The following TTC23 variants were observed in gnomAD, a reference collection of about 807,000 sequenced individuals.
TTC23 encodes the protein tetratricopeptide repeat domain 23.
TTC23 carries 58 observed loss-of-function variants against 55.1 expected under a neutral mutation model. That is an observed-to-expected ratio of 1.05 (90% CI 0.85 to 1.31). TTC23 has a LOEUF of 1.31. Ranked by LOEUF, TTC23 falls within the 50% of genes most tolerant of loss-of-function variation. The pLI is 0.00. For synonymous variants in TTC23, 203 were observed against 199.9 expected, an observed-to-expected ratio of 1.02 and a Z score of -0.13; for missense variants, 516 against 534.4, an observed-to-expected ratio of 0.97 and a Z score of 0.34.
chr15:99,234,008 A>G (rs1207409394), intron 4 of TTC23, among the ~76,000 whole-genome samples: 2 of 152,226 alleles, frequency 1.3e-5, no homozygotes, highest in African/African-American at 4.8e-5. Flanking sequence ...CCTTTGATCT[A>G]TATCTCATAT....
chr15:99,180,483 G>T (rs1040698087), intron 9 of TTC23, among the ~76,000 whole-genome samples: 13 of 152,290 alleles, frequency 8.5e-5, no homozygotes, highest in African/African-American at 2.6e-4. Flanking sequence ...TCAAGCTGTC[G>T]ACAGACACAG....
intron 3 of TTC23, among the ~76,000 whole-genome samples, chr15:99,238,346 C>T (rs1435960642): frequency 6.6e-6 from 1 of 152,072 alleles, no homozygotes; most frequent in Admixed American, 6.6e-5. Flanking sequence ...ATGTATTACG[C>T]AGAAAACAAT....
Position 99,137,232 on chromosome 15 carries a change from G to T in TTC23, c.*778C>A, listed in dbSNP as rs1555487418. ...ACACGACTATGGCCTCCTTCCAGGG[G>T]GCTGAAGACTGCTGTGTACACGATA... On this transcript the variant is annotated 3_prime_UTR_variant, in exon 14 of 14. Transcript: ENST00000394132. The T allele has an allele frequency of 6.6e-6, 1 of 152,292 alleles. No individual in the cohort carries two copies. The highest frequency in any genetic ancestry group is 1.5e-5 in the Non-Finnish European group (1 of 68,064). The allele number at this position is 152,292 out of a possible 1,614,324, so 9.4% of individuals were successfully genotyped here.
Position 99,181,428 on chromosome 15 carries a change from A to G in TTC23, c.760-6273T>C, listed in dbSNP as rs1342371581. Reference sequence around the variant, plus strand: ...GAAAAGCGGCAGATGGTGGATAGAGAAGATGTTATGGTGTCGTCGACCGAG... The same window carrying G: ...GAAAAGCGGCAGATGGTGGATAGAGGAGATGTTATGGTGTCGTCGACCGAG... On this transcript the variant is annotated intron_variant, in intron 9 of 13. Coordinates refer to ENST00000394132, the MANE Select transcript of TTC23 (RefSeq NM_001288615.3). Among the ~76,000 whole-genome samples, 7 of 152,238 alleles carry G rather than the reference A, an allele frequency of 4.6e-5. No homozygotes were observed. In the East Asian group the frequency reaches 1.4e-3, roughly 29 times the overall value.
intron 10 of TTC23, among the ~76,000 whole-genome samples, chr15:99,168,709 T>C (rs898237960): frequency 6.6e-6 from 1 of 152,156 alleles, no homozygotes; most frequent in East Asian, 1.9e-4. Context: ...TTGATGAGGT[T>C]TCAGCTCTGC....
chr15:99,244,284 C>T (rs2080049244), intron 2 of TTC23, among the ~76,000 whole-genome samples: 1 of 152,070 alleles, frequency 6.6e-6, no homozygotes, highest in African/African-American at 2.4e-5. Context: ...ATATTACAGT[C>T]AGAGCAACAG....
rs1048628978 is a variant in TTC23 at position 99,241,404 on chromosome 15, G to A, written c.-153C>T. 6.6e-6 allele frequency: 1 copy of A among 152,372 alleles called. No individual in the cohort carries two copies. Among genetic ancestry groups the A allele is most frequent in the Non-Finnish European group, 1.5e-5 (1 of 68,174 alleles). 9.4% of individuals were successfully genotyped at this position (152,372 alleles called of 1,614,324 possible). A position where few individuals can be genotyped will look rare whatever the true frequency, so the allele number is the denominator to read the frequency against. On this transcript the variant is annotated 5_prime_UTR_variant, in exon 3 of 14. Transcript: ENST00000394132. ...TTATCATCAGCCACTTTTCTTTGTA[G>A]TAGCTATAGCTGGGGCTTAAAATTT...
intron 8 of TTC23, among the ~76,000 whole-genome samples, chr15:99,203,899 T>C (rs1224562210): frequency 1.3e-5 from 2 of 152,192 alleles, no homozygotes; most frequent in Non-Finnish European, 2.9e-5. Context: ...CATCCACTGA[T>C]TGACACTTAT....
At chr15:99,197,381 T>C (rs576417006) in intron 9 of TTC23, among the ~76,000 whole-genome samples, 39 of 152,026 alleles carry the variant, frequency 2.6e-4, no homozygotes, top group East Asian at 2.1e-3. Context: ...GGATTACAGG[T>C]GTGAGCCACC....
chr15:99,155,065 T>C (rs1448315670), intron 12 of TTC23, among the ~76,000 whole-genome samples: 5 of 152,174 alleles, frequency 3.3e-5, no homozygotes, highest in African/African-American at 9.7e-5. Flanking sequence ...CCTGGGAGAC[T>C]CAATGATTGA....
At chr15:99,156,580 A>C (rs1353333837) in intron 11 of TTC23, among the ~76,000 whole-genome samples, 1 of 152,262 alleles carries the variant, frequency 6.6e-6, no homozygotes, top group East Asian at 1.9e-4. Context: ...CAGGAGAGAT[A>C]AGTGCTGAGC....
Position 99,162,057 on chromosome 15 carries a change from G to A in TTC23, c.866-190C>T, listed in dbSNP as rs566205721. Among the ~76,000 whole-genome samples, 9 of 152,304 alleles carry A rather than the reference G, an allele frequency of 5.9e-5. No homozygotes were observed. In the East Asian group the frequency reaches 9.6e-4, roughly 16 times the overall value. ...AAGGATTTAGGTCTTGAAGGATACC[G>A]TAATTTACTTTCTTTAATTTTCATA... is the stretch of plus-strand genomic sequence containing the variant. On this transcript the variant is annotated intron_variant, in intron 10 of 13. Coordinates refer to ENST00000394132, the MANE Select transcript of TTC23 (RefSeq NM_001288615.3).
chr15:99,162,578 A>G (rs2071517913), intron 10 of TTC23, among the ~76,000 whole-genome samples: 1 of 152,190 alleles, frequency 6.6e-6, no homozygotes, highest in Non-Finnish European at 1.5e-5. Context: ...CCTGAGCAGG[A>G]CTAGGGATGA....
chr15:99,187,982 C>T (rs910932043), intron 9 of TTC23, among the ~76,000 whole-genome samples: 1 of 151,906 alleles, frequency 6.6e-6, no homozygotes, highest in African/African-American at 2.4e-5. Flanking sequence ...TCAGCAATTC[C>T]ACTTATAGCC....
chr15:99,159,042 T>C (rs2071003779), intron 11 of TTC23: 1 of 152,386 alleles, frequency 6.6e-6, no homozygotes, highest in African/African-American at 2.4e-5. Flanking sequence ...GATAAGGGCA[T>C]TGGATGGGCT....
chr15:99,162,185 A>G (rs1211117808), intron 10 of TTC23, among the ~76,000 whole-genome samples: 2 of 152,114 alleles, frequency 1.3e-5, no homozygotes, highest in African/African-American at 4.8e-5. Flanking sequence ...ATCAACCACT[A>G]ATTCTTCCTA....
At chr15:99,218,534 C>T in intron 8 of TTC23, 54 bp downstream of exon 8, 1 of 1,609,238 alleles carries the variant, frequency 6.2e-7, no homozygotes, top group East Asian at 2.2e-5. Context: ...ACAGATTCTA[C>T]AGGCAAAGAG....
At chr15:99,155,007 AG>A (rs1434437105) in intron 12 of TTC23, among the ~76,000 whole-genome samples, 1 of 152,228 alleles carries the variant, frequency 6.6e-6, no homozygotes, top group Non-Finnish European at 1.5e-5. Context: ...GAAAGCATAA[AG>A]TAAAACTAAG....
intron 2 of TTC23, among the ~76,000 whole-genome samples, chr15:99,241,786 T>C (rs1472568665): frequency 2.6e-5 from 4 of 152,106 alleles, no homozygotes; most frequent in Non-Finnish European, 5.9e-5. Flanking sequence ...TGGAGAGATG[T>C]AGGGGAGCCT....
Sources: gnomAD v4.1 joint callset for allele counts (sites outside exome capture counted in the v4.1 genomes callset) on GRCh38, gnomAD v4.1.1 for gene constraint, MANE v1.5 for transcripts, NCBI Gene and HGNC (gene_info 2026-07-23, HGNC 2026-07-21) for gene names.